RBM46: variants seen among roughly 807,000 people sequenced by gnomAD.
The protein encoded by RBM46 is probable RNA-binding protein 46.
A neutral mutation model predicts 43.3 loss-of-function variants in RBM46; 12 were observed. The observed-to-expected ratio is 0.28, with a 90% confidence interval of 0.18 to 0.45. The LOEUF is 0.45. Ranked by LOEUF, RBM46 falls within the 20% of genes least tolerant of loss-of-function variation. RBM46 has a pLI of 1.00. For synonymous variants in RBM46, 205 were observed against 207.6 expected, an observed-to-expected ratio of 0.99 and a Z score of 0.11; for missense variants, 412 against 639.1, an observed-to-expected ratio of 0.64 and a Z score of 3.83.
intron 4 of RBM46, among the ~76,000 whole-genome samples, chr4:154,815,070 T>C (rs1248620278): frequency 6.6e-6 from 1 of 152,070 alleles, no homozygotes; most frequent in African/African-American, 2.4e-5. Context: ...CTATGTATTT[T>C]TGAAACTTAT....
At chr4:154,810,966 A>T (rs967362977) in intron 4 of RBM46, among the ~76,000 whole-genome samples, 9 of 152,178 alleles carry the variant, frequency 5.9e-5, no homozygotes, top group African/African-American at 2.2e-4. Context: ...CTGATTGTTA[A>T]ATCTTGTTAA....
In RBM46 at chr4:154,827,982, AT is replaced by A; in HGVS notation, c.1518del (p.Pro507LeufsTer42). ...YTSRPYSYPG[Y>X]PLSPTISLAN... is the part of the protein sequence containing the mutation. The stretch of plus-strand genomic sequence containing the variant: ...TCAAGGCCTTATTCTTATCCAGGCT[AT>A]CCTTTGTCACCAACAATATCACTTG... On this transcript the variant is annotated frameshift_variant, in exon 5 of 5. Transcript: ENST00000281722. LOFTEE classifies it high-confidence loss of function. The A allele has an allele frequency of 2.5e-6, 4 of 1,613,952 alleles. No individual in the cohort carries two copies. The highest frequency in any genetic ancestry group is 3.4e-6 in the Non-Finnish European group (4 of 1,179,898).
chr4:154,826,099 T>G (rs1244893857), intron 4 of RBM46, among the ~76,000 whole-genome samples: 3 of 150,898 alleles, frequency 2.0e-5, no homozygotes, highest in Non-Finnish European at 4.4e-5. Flanking sequence ...GAGCCGGTAA[T>G]GGTCCCGTTT....
rs575071177 is a variant in RBM46 at position 154,805,965 on chromosome 4, A to G, written c.1402+6401A>G. On this transcript the variant is annotated intron_variant, in intron 4 of 4. Coordinates refer to ENST00000281722, the MANE Select transcript of RBM46 (RefSeq NM_144979.5). Reference sequence around the variant, plus strand: ...ATTTTAAAGAACAAAGGTAATTTGCAAAATTTCTTTTAAAATTTACCTACT... The same window carrying G: ...ATTTTAAAGAACAAAGGTAATTTGCGAAATTTCTTTTAAAATTTACCTACT... Among the ~76,000 whole-genome samples, 9 of 152,090 alleles carry G rather than the reference A, an allele frequency of 5.9e-5. No homozygotes were observed. The East Asian group carries it at 1.7e-3, about 29-fold the overall frequency.
Position 154,797,808 on chromosome 4 carries a change from C to T in RBM46, c.152-3C>T, listed in dbSNP as rs1734426799. ...TATGTGTCTTTTCATTTTTGTCGTTCAGGTTGGGAAGGTCCACCTCCACCT... is the reference window on the plus strand; with the variant it reads ...TATGTGTCTTTTCATTTTTGTCGTTTAGGTTGGGAAGGTCCACCTCCACCT... On this transcript the variant is annotated splice_polypyrimidine_tract_variant and splice_region_variant and intron_variant, in intron 2 of 4. Transcript: ENST00000281722. 4.7e-6 allele frequency: 7 copies of T among 1,503,876 alleles called. No homozygotes were observed. Among genetic ancestry groups the T allele is most frequent in the African/African-American group, 1.4e-5 (1 of 71,216 alleles). 93.2% of individuals were successfully genotyped at this position (1,503,876 alleles called of 1,614,324 possible). A position where few individuals can be genotyped will look rare whatever the true frequency, so the allele number is the denominator to read the frequency against.
chr4:154,794,408 C>T (rs1653865911), intron 1 of RBM46, among the ~76,000 whole-genome samples: 1 of 152,068 alleles, frequency 6.6e-6, no homozygotes, highest in South Asian at 2.1e-4. Flanking sequence ...TCTCGACCTC[C>T]TGACCTCGTG....
chr4:154,790,956 T>C (rs1193652485), intron 1 of RBM46, among the ~76,000 whole-genome samples: 4 of 152,230 alleles, frequency 2.6e-5, no homozygotes, highest in Non-Finnish European at 5.9e-5. Flanking sequence ...GACAATAGCA[T>C]GCAGCTTTGT....
chr4:154,805,125 T>C (rs1734848499), intron 4 of RBM46, among the ~76,000 whole-genome samples: 1 of 152,144 alleles, frequency 6.6e-6, no homozygotes, highest in Non-Finnish European at 1.5e-5. Context: ...GGTAGTTCTG[T>C]ATATTGTTTG....
chr4:154,789,311 T>G (rs538845606), intron 1 of RBM46, among the ~76,000 whole-genome samples: 1 of 152,126 alleles, frequency 6.6e-6, no homozygotes, highest in Admixed American at 6.5e-5. Context: ...TGGCTGTGGG[T>G]TTGTCATAAA....
chr4:154,799,763 T>G lies in RBM46; in HGVS notation c.1402+199T>G, dbSNP rs920397413. On this transcript the variant is annotated intron_variant, in intron 4 of 4. Coordinates refer to ENST00000281722, the MANE Select transcript of RBM46 (RefSeq NM_144979.5). ...TCCTACATTTAGCTTTTCTTTTTTT[T>G]TTTTTTTTTTTTGAGAGATGGAGTC... Among the ~76,000 whole-genome samples, 556 of 149,426 alleles carry G rather than the reference T, an allele frequency of 3.7e-3. 3 individuals are homozygous for G. The highest frequency in any genetic ancestry group is 0.014 in the Middle Eastern group (4 of 286).
intron 3 of RBM46, among the ~76,000 whole-genome samples, 182 bp from the exon 4 acceptor site, chr4:154,798,600 A>G (rs1734462015): frequency 6.6e-6 from 1 of 152,224 alleles, no homozygotes; most frequent in Non-Finnish European, 1.5e-5. Flanking sequence ...CTCTGAAATT[A>G]CATAGTAAGT....
At chr4:154,791,028 T>C (rs1370366675) in intron 1 of RBM46, among the ~76,000 whole-genome samples, 1 of 152,214 alleles carries the variant, frequency 6.6e-6, no homozygotes, top group Non-Finnish European at 1.5e-5. Context: ...AACCACACTT[T>C]TGAAGGAAGA....
chr4:154,817,779 C>T (rs1021901275), intron 4 of RBM46, among the ~76,000 whole-genome samples: 1 of 152,060 alleles, frequency 6.6e-6, no homozygotes, highest in Non-Finnish European at 1.5e-5. Context: ...TTAAGTCTCT[C>T]ATTTTGCCAT....
chr4:154,822,502 A>G (rs1735764474), intron 4 of RBM46, among the ~76,000 whole-genome samples: 1 of 151,510 alleles, frequency 6.6e-6, no homozygotes, highest in Non-Finnish European at 1.5e-5. Flanking sequence ...TGCTTATATG[A>G]TATTTTAATC....
chr4:154,789,218 TA>T (rs1489635578), intron 1 of RBM46, among the ~76,000 whole-genome samples: 1 of 152,166 alleles, frequency 6.6e-6, no homozygotes, highest in Non-Finnish European at 1.5e-5. Flanking sequence ...CTATGTTGAG[TA>T]GGAGTGGTAA....
intron 1 of RBM46, among the ~76,000 whole-genome samples, chr4:154,789,580 A>G (rs867766590): frequency 2.7e-4 from 41 of 152,238 alleles, no homozygotes; most frequent in African/African-American, 9.4e-4. Context: ...GTTTGCCAGT[A>G]TTTTAGTGAG....
Position 154,791,647 on chromosome 4 carries a change from A to G in RBM46, c.-11-5095A>G, listed in dbSNP as rs114730727. Among the ~76,000 whole-genome samples the G allele has an allele frequency of 7.6e-3, 1,152 of 152,328 alleles. 8 individuals are homozygous for G. Among genetic ancestry groups the G allele is most frequent in the Non-Finnish European group, 0.012 (798 of 68,028 alleles). ...GTGAAAGTTAACCAGGAAAGAGATT[A>G]TGATACATTATAAGAAATAAGTTTC... is the stretch of plus-strand genomic sequence containing the variant. On this transcript the variant is annotated intron_variant, in intron 1 of 4. Coordinates refer to ENST00000281722, the MANE Select transcript of RBM46 (RefSeq NM_144979.5).
chr4:154,809,497 G>A (rs156583), intron 4 of RBM46, among the ~76,000 whole-genome samples: 4,918 of 151,918 alleles, frequency 0.032, 284 homozygotes, highest in African/African-American at 0.11. Flanking sequence ...TTAGATAGGA[G>A]GCATGAAAAA....
At chr4:154,803,939 C>T (rs1008012612) in intron 4 of RBM46, among the ~76,000 whole-genome samples, 1 of 151,898 alleles carries the variant, frequency 6.6e-6, no homozygotes, top group East Asian at 1.9e-4. Context: ...AGCACCATTC[C>T]CTTGGTGCTG....
Sources: gnomAD v4.1 joint callset for allele counts (sites outside exome capture counted in the v4.1 genomes callset) on GRCh38, gnomAD v4.1.1 for gene constraint, MANE v1.5 for transcripts, NCBI Gene and HGNC (gene_info 2026-07-23, HGNC 2026-07-21) for gene names.